The following GPBP1L1 variants were observed in gnomAD, a reference collection of about 807,000 sequenced individuals.
GPBP1L1 encodes GC-rich promoter binding protein 1 like 1, also known as vasculin-like protein 1.
In GPBP1L1, 23 loss-of-function variants were observed where a neutral mutation model predicts 52.5. That is an observed-to-expected ratio of 0.44 (90% CI 0.32 to 0.62). The LOEUF is 0.62. Ranked by LOEUF, GPBP1L1 falls within the 20% of genes least tolerant of loss-of-function variation. GPBP1L1 has a pLI of 0.06. For missense variants in GPBP1L1, 596 were observed against 579.3 expected (o/e 1.03, Z -0.30); for synonymous variants, 243 against 203.1 (o/e 1.20, Z -1.67).
chr1:45,671,090 G>A (rs1432399548), intron 2 of GPBP1L1, among the ~76,000 whole-genome samples: 4 of 150,520 alleles, frequency 2.7e-5, no homozygotes, highest in East Asian at 2.0e-4. Flanking sequence ...CACCGCGCCC[G>A]GACTACCATA....
rs78246639 is a variant in GPBP1L1 at position 45,643,127 on chromosome 1, G to A, written c.478-628C>T. On this transcript the variant is annotated intron_variant, in intron 6 of 12. Coordinates refer to ENST00000355105, the MANE Select transcript of GPBP1L1 (RefSeq NM_021639.5). The stretch of plus-strand genomic sequence containing the variant: ...TCTACTTGAAAGAGAAGTGCTATCA[G>A]AAAAGGCTTTACTAACAGGTGATTT... 3.1e-4 allele frequency among the ~76,000 whole-genome samples: 47 copies of A among 152,302 alleles called. 2 individuals carry two copies. In the East Asian group the frequency reaches 5.6e-3, roughly 18 times the overall value.
chr1:45,638,535 C>T (rs1644626416), intron 8 of GPBP1L1, among the ~76,000 whole-genome samples: 1 of 152,186 alleles, frequency 6.6e-6, no homozygotes, highest in South Asian at 2.1e-4. Context: ...TCAGTACTAT[C>T]CCATTCTTTA....
intron 6 of GPBP1L1, among the ~76,000 whole-genome samples, chr1:45,644,343 T>G (rs1397539546): frequency 6.6e-6 from 1 of 152,238 alleles, no homozygotes; most frequent in Admixed American, 6.5e-5. Context: ...ATACAGTATC[T>G]TTGATCTCTT....
chr1:45,675,229 G>A (rs927980510), intron 2 of GPBP1L1, among the ~76,000 whole-genome samples: 3 of 151,868 alleles, frequency 2.0e-5, no homozygotes, highest in East Asian at 1.9e-4. Context: ...CCCAGGAGGC[G>A]GAGGTTGCAG....
At chr1:45,650,605 T>C (rs1241647993) in intron 6 of GPBP1L1, among the ~76,000 whole-genome samples, 3 of 152,210 alleles carry the variant, frequency 2.0e-5, no homozygotes, top group Non-Finnish European at 2.9e-5. Context: ...ACATATGGTA[T>C]AGAAAAAAAT....
At chr1:45,678,673 C>T (rs966418905) in intron 2 of GPBP1L1, among the ~76,000 whole-genome samples, 14 of 152,116 alleles carry the variant, frequency 9.2e-5, no homozygotes, top group African/African-American at 3.1e-4. Flanking sequence ...AAATCAGTGT[C>T]ACTGAAAAAT....
At chr1:45,664,605 G>A (rs561682852) in intron 2 of GPBP1L1, among the ~76,000 whole-genome samples, 1 of 152,216 alleles carries the variant, frequency 6.6e-6, no homozygotes, top group South Asian at 2.1e-4. Context: ...ATTCCATAGA[G>A]ATGGGGTTTC....
intron 2 of GPBP1L1, among the ~76,000 whole-genome samples, chr1:45,672,895 G>A (rs1178023424): frequency 6.6e-6 from 1 of 152,216 alleles, no homozygotes; most frequent in African/African-American, 2.4e-5. Flanking sequence ...TTGGATAGGG[G>A]AGGTGGTGAA....
At chr1:45,634,277 C>A in intron 8 of GPBP1L1, 41 bp from the exon 9 acceptor site, 10 of 1,535,966 alleles carry the variant, frequency 6.5e-6, no homozygotes, top group South Asian at 1.2e-5. Flanking sequence ...AACAAGCACA[C>A]AAACAGAAGC....
At chr1:45,644,610 C>T (rs1265916896) in intron 6 of GPBP1L1, among the ~76,000 whole-genome samples, 1 of 151,960 alleles carries the variant, frequency 6.6e-6, no homozygotes, top group Non-Finnish European at 1.5e-5. Context: ...AGTTTTGTCT[C>T]CAAAAACAAT....
chr1:45,646,084 C>T (rs1644741872), intron 6 of GPBP1L1: 2 of 461,022 alleles, frequency 4.3e-6, no homozygotes, highest in Non-Finnish European at 8.4e-6. Flanking sequence ...ATCATCACAG[C>T]TAGAAGTTGG....
intron 6 of GPBP1L1, among the ~76,000 whole-genome samples, chr1:45,645,016 C>T (rs576194793): frequency 2.6e-5 from 4 of 152,248 alleles, no homozygotes; most frequent in East Asian, 3.9e-4. Context: ...CAACCCTCGT[C>T]GTTATTATTA....
At chr1:45,658,669 C>T (rs1197522022) in intron 4 of GPBP1L1, 1 of 250,286 alleles carries the variant, frequency 4.0e-6, no homozygotes, top group African/African-American at 2.2e-5. Context: ...GTGGCTCACG[C>T]CTGTAATCCC....
At chr1:45,658,439 G>A (rs904592267) in intron 4 of GPBP1L1, among the ~76,000 whole-genome samples, 3 of 151,844 alleles carry the variant, frequency 2.0e-5, no homozygotes, top group Non-Finnish European at 2.9e-5. Context: ...CATGTAATGA[G>A]AAAAGCCTTA....
intron 9 of GPBP1L1, 182 bp downstream of exon 9, chr1:45,633,914 G>C (rs900161928): frequency 1.9e-5 from 13 of 691,772 alleles, no homozygotes; most frequent in Non-Finnish European, 2.3e-5. Context: ...CCACCACAGA[G>C]CATCTATCCC....
At chr1:45,670,119 A>G (rs533492982) in intron 2 of GPBP1L1, among the ~76,000 whole-genome samples, 11 of 152,384 alleles carry the variant, frequency 7.2e-5, no homozygotes, top group African/African-American at 2.2e-4. Flanking sequence ...CATCAGCAGC[A>G]GCATTTTAAG....
chr1:45,669,922 G>C (rs572293581), intron 2 of GPBP1L1, among the ~76,000 whole-genome samples: 12 of 152,320 alleles, frequency 7.9e-5, no homozygotes, highest in African/African-American at 2.4e-4. Flanking sequence ...TGTATCACTA[G>C]TTATCAATCT....
At chr1:45,684,231 C>G (rs1645250260) in intron 2 of GPBP1L1, among the ~76,000 whole-genome samples, 2 of 121,062 alleles carry the variant, frequency 1.7e-5, no homozygotes, top group South Asian at 5.1e-4. Flanking sequence ...GCACTCCAGC[C>G]TGGGCAACAA....
At position 45,660,501 on chromosome 1, in the gene GPBP1L1, A is replaced by G. The variant is rs924949685; in HGVS notation, c.-373T>C. The G allele has an allele frequency of 8.1e-6, 8 of 983,370 alleles. No homozygotes were observed. The African/African-American group carries it at 1.4e-4, about 17-fold the overall frequency. 60.9% of individuals were successfully genotyped at this position (983,370 alleles called of 1,614,324 possible). On this transcript the variant is annotated 5_prime_UTR_variant, in exon 3 of 13. Transcript: ENST00000355105. The stretch of plus-strand genomic sequence containing the variant: ...GCTGTATCTATGTTCACCTCATTCA[A>G]CTTCCTTGAGTTATGGCACTATGAT...
Sources: gnomAD v4.1 joint callset for allele counts (sites outside exome capture counted in the v4.1 genomes callset) on GRCh38, gnomAD v4.1.1 for gene constraint, MANE v1.5 for transcripts, NCBI Gene and HGNC (gene_info 2026-07-23, HGNC 2026-07-21) for gene names.